The following NUDT19 variants were observed in gnomAD, a reference collection of about 807,000 sequenced individuals.
NUDT19 encodes the protein acyl-coenzyme A diphosphatase NUDT19.
Under a neutral mutation model 22.2 loss-of-function variants are expected in NUDT19, and 31 were observed. The observed-to-expected ratio is 1.40, with a 90% CI of 1.05 to 1.89. The LOEUF (loss-of-function observed/expected upper bound fraction) is 1.89, where lower values mean the gene tolerates loss of function less well. Ranked by LOEUF, NUDT19 falls within the 40% of genes most tolerant of loss-of-function variation. The pLI is 0.00. For missense variants in NUDT19, 752 were observed against 514.2 expected (o/e 1.46, Z -4.47); for synonymous variants, 325 against 230.8 (o/e 1.41, Z -3.70).
At chr19:32,711,512 ATTAGATTAG>A (rs1415690607) in intron 2 of NUDT19, among the ~76,000 whole-genome samples, 2 of 152,268 alleles carry the variant, frequency 1.3e-5, no homozygotes, top group African/African-American at 4.8e-5. Context: ...AGCTCATAGA[ATTAGATTAG>A]TTAACAACTA....
At chr19:32,701,540 G>A (rs1483256047) in intron 1 of NUDT19, among the ~76,000 whole-genome samples, 1 of 152,144 alleles carries the variant, frequency 6.6e-6, no homozygotes, top group East Asian at 1.9e-4. Flanking sequence ...TTCATCAGGT[G>A]CTGAGAGAGG....
rs1568430283 is a variant in NUDT19, at chr19:32,691,871, G to GC, written c.-85dup. The GC allele has an allele frequency of 1.5e-6, 1 of 679,984 alleles. No individual in the cohort carries two copies. The highest frequency in any genetic ancestry group is 2.0e-6 in the Non-Finnish European group (1 of 497,092). 42.1% of individuals were successfully genotyped at this position (679,984 alleles called of 1,614,324 possible). A position where few individuals can be genotyped will look rare whatever the true frequency, so the allele number is the denominator to read the frequency against. On this transcript the variant is annotated 5_prime_UTR_variant, in exon 1 of 3. Transcript: ENST00000397061. ...GAGGCTCGTCCTCAATTCCCGCGAG[G>GC]CCCCCGGAGGTGCTGGGGTCCCTGC...
At chr19:32,699,938 C>T (rs1368392221) in intron 1 of NUDT19, among the ~76,000 whole-genome samples, 2 of 152,156 alleles carry the variant, frequency 1.3e-5, no homozygotes, top group African/African-American at 4.8e-5. Flanking sequence ...GTGAGTGTTA[C>T]AGCTCTTAAA....
chr19:32,692,571 T>A lies in NUDT19; in HGVS notation c.611T>A (p.Phe204Tyr). Residue 204 changes from phenylalanine to tyrosine, a missense_variant, in exon 1 of 3, where the codon TTC (phenylalanine) becomes TAC (tyrosine). Coordinates refer to ENST00000397061, the MANE Select transcript of NUDT19 (RefSeq NM_001105570.2). Reference protein sequence around the residue: ...LHNWSAWLTPFLRGTTRRFDT... With the variant: ...LHNWSAWLTPYLRGTTRRFDT... ...AACTGGAGCGCCTGGCTCACCCCTT[T>A]CTTGCGGGGCACCACTCGCCGCTTT... is the stretch of plus-strand genomic sequence containing the variant. The A allele has an allele frequency of 6.3e-7, 1 of 1,595,932 alleles. No individual in the cohort carries two copies. Among genetic ancestry groups the A allele is most frequent in the Non-Finnish European group, 8.5e-7 (1 of 1,173,416 alleles).
intron 1 of NUDT19, among the ~76,000 whole-genome samples, chr19:32,693,010 T>TAAATAAA (rs1968219076): frequency 6.7e-6 from 1 of 149,516 alleles, no homozygotes; most frequent in Non-Finnish European, 1.5e-5. Context: ...AGAACAGACT[T>TAAATAAA]AATATGATCC....
intron 1 of NUDT19, 133 bp downstream of exon 1, chr19:32,692,807 C>T (rs1194581945): frequency 1.5e-5 from 9 of 620,456 alleles, no homozygotes; most frequent in Admixed American, 1.2e-4. Context: ...AACGCTTAGA[C>T]GGGCTGGAAA....
chr19:32,696,944 G>T (rs1384094914), intron 1 of NUDT19, among the ~76,000 whole-genome samples: 1 of 152,162 alleles, frequency 6.6e-6, no homozygotes, highest in Non-Finnish European at 1.5e-5. Context: ...TGCATCATCT[G>T]GTTGGTGGCT....
intron 1 of NUDT19, among the ~76,000 whole-genome samples, chr19:32,705,423 CAAAAAA>C (rs1006377161): frequency 1.5e-5 from 2 of 133,572 alleles, no homozygotes; most frequent in Admixed American, 7.7e-5. Flanking sequence ...GACTCTGTCT[CAAAAAA>C]AAAAAAGAAA....
At chr19:32,692,889 A>C (rs1370981739) in intron 1 of NUDT19, among the ~76,000 whole-genome samples, 1 of 152,238 alleles carries the variant, frequency 6.6e-6, no homozygotes, top group East Asian at 1.9e-4. Context: ...TGGGGTCTCA[A>C]GGCCTGGAGC....
chr19:32,702,447 G>T (rs1256391093), intron 1 of NUDT19, among the ~76,000 whole-genome samples: 1 of 152,086 alleles, frequency 6.6e-6, no homozygotes, highest in Non-Finnish European at 1.5e-5. Flanking sequence ...CCTTCCAAGA[G>T]GGTTTCTGGC....
intron 1 of NUDT19, among the ~76,000 whole-genome samples, chr19:32,703,676 T>G (rs899978796): frequency 2.2e-5 from 3 of 135,440 alleles, no homozygotes; most frequent in Non-Finnish European, 4.7e-5. Flanking sequence ...TTTTTTTTTT[T>G]TTTTGAGACG....
At position 32,697,333 on chromosome 19, in the gene NUDT19, T is replaced by A. The variant is rs139763768; in HGVS notation, c.714+4659T>A. ...GGAGCTTTCTCCTGATATCCACAGA[T>A]GATTGGGTAATAAACTTGTCTTTTA... On this transcript the variant is annotated intron_variant, in intron 1 of 2. Transcript: ENST00000397061. Among the ~76,000 whole-genome samples the A allele has an allele frequency of 4.6e-3, 702 of 152,298 alleles. 6 individuals carry two copies. Among genetic ancestry groups the A allele is most frequent in the African/African-American group, 0.016 (647 of 41,558 alleles).
rs1968184625 is a variant in NUDT19, at chr19:32,691,907, C to T, written c.-54C>T. On this transcript the variant is annotated 5_prime_UTR_variant, in exon 1 of 3. Transcript: ENST00000397061. ...TGCTGGGGTCCCTGCAGGGCCGGGC[C>T]ACCTGCCGTGGAGCTCAGGCCGCGC... 9.4e-7 allele frequency: 1 copy of T among 1,067,008 alleles called. No homozygotes were observed. Among genetic ancestry groups the T allele is most frequent in the Non-Finnish European group, 1.2e-6 (1 of 844,506 alleles). 66.1% of individuals were successfully genotyped at this position (1,067,008 alleles called of 1,614,324 possible). A position where few individuals can be genotyped will look rare whatever the true frequency, so the allele number is the denominator to read the frequency against.
At chr19:32,710,165 C>A (rs1048483057) in intron 2 of NUDT19, among the ~76,000 whole-genome samples, 4 of 151,318 alleles carry the variant, frequency 2.6e-5, no homozygotes, top group African/African-American at 9.7e-5. Flanking sequence ...GCATGTGCCA[C>A]CACGCCTGGC....
At chr19:32,693,492 C>G (rs973043252) in intron 1 of NUDT19, among the ~76,000 whole-genome samples, 2 of 152,202 alleles carry the variant, frequency 1.3e-5, no homozygotes, top group African/African-American at 2.4e-5. Flanking sequence ...AGCAAAAGAA[C>G]AAACCTCCCA....
intron 1 of NUDT19, among the ~76,000 whole-genome samples, chr19:32,706,814 C>T (rs1389466521): frequency 6.6e-6 from 1 of 152,166 alleles, no homozygotes; most frequent in Non-Finnish European, 1.5e-5. Context: ...TGATTTCATG[C>T]GTCCACTAGG....
chr19:32,692,979 C>A (rs796929393), intron 1 of NUDT19, among the ~76,000 whole-genome samples: 1 of 152,196 alleles, frequency 6.6e-6, no homozygotes, highest in African/African-American at 2.4e-5. Flanking sequence ...TCTCCACAGC[C>A]GTTTAATTTG....
chr19:32,700,825 C>G (rs567986699), intron 1 of NUDT19, among the ~76,000 whole-genome samples: 3 of 152,060 alleles, frequency 2.0e-5, no homozygotes, highest in Non-Finnish European at 4.4e-5. Flanking sequence ...CAATTGAGCT[C>G]AAGAACTCAA....
In NUDT19 at chr19:32,703,252, C is replaced by T. The variant is rs549685866; in HGVS notation, c.715-5933C>T. Among the ~76,000 whole-genome samples the T allele has an allele frequency of 7.2e-5, 11 of 152,286 alleles. No individual in the cohort carries two copies. In the East Asian group the frequency reaches 1.2e-3, roughly 16 times the overall value. On this transcript the variant is annotated intron_variant, in intron 1 of 2. Coordinates refer to ENST00000397061, the MANE Select transcript of NUDT19 (RefSeq NM_001105570.2). ...CCAACCTCAGGTAATCCGCACACCT[C>T]GGCCTCCCAAAGTGCTGGGATTACA...
Sources: gnomAD v4.1 joint callset for allele counts (sites outside exome capture counted in the v4.1 genomes callset) on GRCh38, gnomAD v4.1.1 for gene constraint, MANE v1.5 for transcripts, NCBI Gene and HGNC (gene_info 2026-07-23, HGNC 2026-07-21) for gene names.